Variants in RALY observed in about 807,000 individuals in gnomAD.
RALY encodes RALY heterogeneous nuclear ribonucleoprotein.
A neutral mutation model predicts 30.7 loss-of-function variants in RALY; 15 were observed. The ratio of observed to expected loss-of-function variants is 0.49; its 90% CI spans 0.33 to 0.75. The LOEUF is 0.75. Among genes scored for constraint, RALY ranks in the 30% least tolerant of loss-of-function variants. The pLI, the probability that RALY is intolerant of heterozygous loss-of-function variation, is 0.02. For missense variants in RALY, 339 were observed against 414.3 expected, an observed-to-expected ratio of 0.82 and a Z score of 1.58; for synonymous variants, 177 against 170.8, an observed-to-expected ratio of 1.04 and a Z score of -0.28.
rs1378747851 is a variant in RALY at position 34,061,820 on chromosome 20, G to C, written c.-9-10246G>C. 7.9e-5 allele frequency among the ~76,000 whole-genome samples: 12 copies of C among 152,284 alleles called. No homozygotes were observed. In the East Asian group the frequency reaches 9.6e-4, roughly 12 times the overall value. On this transcript the variant is annotated intron_variant, in intron 2 of 9. Transcript: ENST00000246194. ...CAAAGGTGTGGTAAGTAAGCAAGTA[G>C]GTAGAATTTGAATGGGAGTTATGTG... is the stretch of plus-strand genomic sequence containing the variant.
rs1030359987 is a variant in RALY at position 34,082,736 on chromosome 20, A to T, written c.*2831A>T. 1 of 152,232 alleles carries T rather than the reference A, an allele frequency of 6.6e-6. No individual in the cohort carries two copies. Among genetic ancestry groups the T allele is most frequent in the Non-Finnish European group, 1.5e-5 (1 of 68,052 alleles). 9.4% of individuals were successfully genotyped at this position (152,232 alleles called of 1,614,324 possible). On this transcript the variant is annotated 3_prime_UTR_variant, in exon 10 of 10. Coordinates refer to ENST00000246194, the MANE Select transcript of RALY (RefSeq NM_016732.3). Reference sequence around the variant, plus strand: ...GCCCTTGGGTGGGAGGTTGGCTTCTAACAGTGCATACACATGCCCTTCCTC... The same window carrying T: ...GCCCTTGGGTGGGAGGTTGGCTTCTTACAGTGCATACACATGCCCTTCCTC...
intron 1 of RALY, among the ~76,000 whole-genome samples, chr20:34,012,901 A>G (rs2031462698): frequency 6.6e-6 from 1 of 152,250 alleles, no homozygotes. Flanking sequence ...TGTTTTGACT[A>G]CAGATAGTCC....
intron 1 of RALY, among the ~76,000 whole-genome samples, chr20:34,019,112 C>T (rs1215488208): frequency 6.6e-6 from 1 of 152,090 alleles, no homozygotes; most frequent in African/African-American, 2.4e-5. Context: ...CACTTGAGGT[C>T]AGGAGTTCAA....
At chr20:34,013,413 C>CAAAAAAAAAAAAAAAAAAAAAAAAAAA in intron 1 of RALY, among the ~76,000 whole-genome samples, 1 of 84,800 alleles carries the variant, frequency 1.2e-5, no homozygotes, top group Non-Finnish European at 2.7e-5. Context: ...GACCTTGTCT[C>CAAAAAAAAAAAAAAAAAAAAAAAAAAA]AAAAAAAAAA....
chr20:34,018,974 G>A (rs989578865), intron 1 of RALY, among the ~76,000 whole-genome samples: 6 of 152,146 alleles, frequency 3.9e-5, no homozygotes, highest in African/African-American at 9.7e-5. Context: ...TTGGGGGTCA[G>A]TTTAGGGCTA....
At chr20:34,051,732 G>T (rs1448105547) in intron 2 of RALY, among the ~76,000 whole-genome samples, 1 of 151,982 alleles carries the variant, frequency 6.6e-6, no homozygotes, top group East Asian at 1.9e-4. Flanking sequence ...AGTAGCTGGG[G>T]CTACAGGCGC....
intron 2 of RALY, among the ~76,000 whole-genome samples, chr20:34,033,866 C>T (rs1393068328): frequency 6.6e-6 from 1 of 152,070 alleles, no homozygotes; most frequent in Admixed American, 6.5e-5. Flanking sequence ...TCTTCTGTGC[C>T]CTTCTCCTCC....
chr20:34,028,427 C>A (rs942445651), intron 1 of RALY, among the ~76,000 whole-genome samples: 1 of 152,058 alleles, frequency 6.6e-6, no homozygotes, highest in Non-Finnish European at 1.5e-5. Context: ...TGAATATACC[C>A]ACAAGCCGGA....
intron 1 of RALY, chr20:34,014,820 CTTT>C (rs1358016243): frequency 6.6e-6 from 1 of 152,146 alleles, no homozygotes; most frequent in African/African-American, 2.4e-5. Flanking sequence ...GGTTGTTAAC[CTTT>C]ACACAGTTCT....
intron 1 of RALY, among the ~76,000 whole-genome samples, chr20:33,995,837 C>T (rs1217394194): frequency 6.6e-6 from 1 of 152,196 alleles, no homozygotes; most frequent in African/African-American, 2.4e-5. Flanking sequence ...TCTTCTTCCT[C>T]CTAATCCAGT....
At chr20:34,054,971 C>T (rs1033353402) in intron 2 of RALY, among the ~76,000 whole-genome samples, 2 of 152,112 alleles carry the variant, frequency 1.3e-5, no homozygotes, top group South Asian at 4.1e-4. Context: ...TAGAAAATTC[C>T]TGAGCACTTA....
intron 1 of RALY, among the ~76,000 whole-genome samples, chr20:34,003,788 C>T (rs994179211): frequency 4.0e-5 from 6 of 151,682 alleles, no homozygotes; most frequent in Admixed American, 2.0e-4. Context: ...TACAGGCGCC[C>T]GCCACTACGC....
chr20:34,072,959 T>TGTGAGA (rs142692706), intron 3 of RALY, among the ~76,000 whole-genome samples: 1 of 148,892 alleles, frequency 6.7e-6, no homozygotes, highest in African/African-American at 2.5e-5. Flanking sequence ...TGTGTGTGTG[T>TGTGAGA]GAGAGAGAGA....
intron 2 of RALY, among the ~76,000 whole-genome samples, chr20:34,059,056 G>A (rs1000169005): frequency 6.6e-6 from 1 of 152,164 alleles, no homozygotes; most frequent in African/African-American, 2.4e-5. Context: ...CCAAACATGT[G>A]ACACTGTGGG....
intron 2 of RALY, among the ~76,000 whole-genome samples, chr20:34,045,330 G>T (rs904212446): frequency 6.6e-6 from 1 of 152,218 alleles, no homozygotes; most frequent in Admixed American, 6.5e-5. Flanking sequence ...GGCCAGAGTA[G>T]ACCTCTCTAA....
intron 1 of RALY, among the ~76,000 whole-genome samples, chr20:34,014,154 A>G (rs1177303372): frequency 2.6e-5 from 4 of 152,190 alleles, no homozygotes; most frequent in Non-Finnish European, 5.9e-5. Context: ...AGCCCGTACT[A>G]GATCTTGGGA....
At chr20:34,015,150 C>G (rs566072442) in intron 1 of RALY, 1 of 152,156 alleles carries the variant, frequency 6.6e-6, no homozygotes, top group East Asian at 1.9e-4. Context: ...TGAGGAAGTA[C>G]GGAAGCCAGG....
In RALY at chr20:34,073,651, T is replaced by C. The variant is rs746397959; in HGVS notation, c.329+16T>C. 6.4e-6 allele frequency: 10 copies of C among 1,565,928 alleles called. No individual in the cohort carries two copies. Among genetic ancestry groups the C allele is most frequent in the Non-Finnish European group, 8.8e-6 (10 of 1,136,208 alleles). ...CCATATACAGGTGGGGCTGTCTGAC[T>C]GTCTGTCTGTCTGGTGGGATGACTC... is the stretch of plus-strand genomic sequence containing the variant. On this transcript the variant is annotated intron_variant, in intron 4 of 9. Coordinates refer to ENST00000246194, the MANE Select transcript of RALY (RefSeq NM_016732.3).
At chr20:34,065,921 T>C (rs2033556559) in intron 2 of RALY, among the ~76,000 whole-genome samples, 1 of 152,004 alleles carries the variant, frequency 6.6e-6, no homozygotes, top group African/African-American at 2.4e-5. Context: ...TTGAAATGAG[T>C]ATTTCAGGAG....
Sources: allele counts gnomAD v4.1 joint callset (sites outside exome capture counted in the v4.1 genomes callset), GRCh38; gene constraint gnomAD v4.1.1; transcripts MANE v1.5; gene names NCBI Gene and HGNC (gene_info 2026-07-23, HGNC 2026-07-21).